RNF157: variants seen among roughly 807,000 people sequenced by gnomAD.
RNF157 encodes the protein E3 ubiquitin ligase RNF157.
A neutral mutation model predicts 88.3 loss-of-function variants in RNF157; 55 were observed. The observed-to-expected ratio is 0.62, with a 90% CI of 0.50 to 0.78. The LOEUF (loss-of-function observed/expected upper bound fraction) is 0.78, where lower values mean the gene tolerates loss of function less well. RNF157 is among the 30% of genes least tolerant of loss of function. The probability of loss-of-function intolerance (pLI) is 0.00; values close to 1 mark genes in which losing one functional copy is unlikely to be tolerated. For missense variants in RNF157, 788 were observed against 860.8 expected, an observed-to-expected ratio of 0.92 and a Z score of 1.06; for synonymous variants, 334 against 341.2, an observed-to-expected ratio of 0.98 and a Z score of 0.23.
chr17:76,212,832 G>A (rs887708925), intron 1 of RNF157, among the ~76,000 whole-genome samples: 2 of 152,220 alleles, frequency 1.3e-5, no homozygotes, highest in African/African-American at 4.8e-5. Context: ...CTACACTCCA[G>A]TCTGGGCGAC....
At position 76,161,470 on chromosome 17, in the gene RNF157, GA is replaced by G; in HGVS notation, c.1065+64del. On this transcript the variant is annotated intron_variant, in intron 11 of 18. Coordinates refer to ENST00000269391, the MANE Select transcript of RNF157 (RefSeq NM_052916.3). This position sits in a 1 kb window ranked among gnomAD's most constrained non-coding sequence, Gnocchi z 4.6. ...GCTGCAATGCCACGTAGAGAAGCAT[GA>G]AAAGTTTAAAAAAGCCAATGAGGCA... The G allele has an allele frequency of 8.2e-7, 1 of 1,224,892 alleles. No individual in the cohort carries two copies. The allele number at this position is 1,224,892 out of a possible 1,614,324, so 75.9% of individuals were successfully genotyped here.
At chr17:76,226,391 T>A in intron 1 of RNF157, 1 of 1,590,000 alleles carries the variant, frequency 6.3e-7, no homozygotes, top group Non-Finnish European at 8.6e-7. Flanking sequence ...GCCAATTGGG[T>A]TCACCATCTG....
At chr17:76,220,607 G>C (rs2069965067) in intron 1 of RNF157, among the ~76,000 whole-genome samples, 1 of 151,962 alleles carries the variant, frequency 6.6e-6, no homozygotes, top group South Asian at 2.1e-4. Context: ...CCAGAAGTTT[G>C]AGACCAGCCG....
chr17:76,210,381 C>CAAG (rs1555660721), intron 2 of RNF157, among the ~76,000 whole-genome samples: 1 of 151,390 alleles, frequency 6.6e-6, no homozygotes, highest in Non-Finnish European at 1.5e-5. Flanking sequence ...ATCACGAGGT[C>CAAG]AGATCGAGAC....
rs537416090 is a variant in RNF157, at chr17:76,240,134, G to T, written c.88+19C>A. 175 of 1,300,470 alleles carry T rather than the reference G, an allele frequency of 1.3e-4. No homozygotes were observed. The South Asian group carries it at 4.1e-3, about 30-fold the overall frequency. The allele number at this position is 1,300,470 out of a possible 1,614,324, so 80.6% of individuals were successfully genotyped here. On this transcript the variant is annotated intron_variant, in intron 1 of 18. Coordinates refer to ENST00000269391, the MANE Select transcript of RNF157 (RefSeq NM_052916.3). This position sits in a 1 kb window ranked among gnomAD's most constrained non-coding sequence, Gnocchi z 4.4. The stretch of plus-strand genomic sequence containing the variant: ...TGCCCCTCTCCCTCCTCGCGGCTGC[G>T]GCGCCCGCCCGCCCTCACCGGACTT...
intron 1 of RNF157, among the ~76,000 whole-genome samples, chr17:76,219,415 C>T (rs1344949916): frequency 6.6e-6 from 1 of 151,550 alleles, no homozygotes; most frequent in East Asian, 1.9e-4. Context: ...TATTATGCTA[C>T]CATGTGTGTA....
intron 6 of RNF157, 60 bp from the exon 7 acceptor site, chr17:76,165,605 A>T (rs1310348567): frequency 1.3e-6 from 2 of 1,578,896 alleles, no homozygotes; most frequent in African/African-American, 2.7e-5. Context: ...GATGCCCATG[A>T]CTTTCTCCAG....
intron 3 of RNF157, among the ~76,000 whole-genome samples, chr17:76,169,362 T>G (rs1016796433): frequency 1.6e-4 from 24 of 152,192 alleles, no homozygotes; most frequent in African/African-American, 5.3e-4. Flanking sequence ...AGATAACTTC[T>G]CTCATGTCTT....
intron 2 of RNF157, among the ~76,000 whole-genome samples, chr17:76,193,952 G>T (rs8077453): frequency 0.1 from 15,153 of 152,120 alleles, 938 homozygotes; most frequent in African/African-American, 0.17. Context: ...CACTTCTCTG[G>T]GGTACACGTC....
At position 76,195,640 on chromosome 17, in the gene RNF157, G is replaced by A. The variant is rs2069465812; in HGVS notation, c.207+16724C>T. On this transcript the variant is annotated intron_variant, in intron 2 of 18. Coordinates refer to ENST00000269391, the MANE Select transcript of RNF157 (RefSeq NM_052916.3). This position sits in a 1 kb window ranked among gnomAD's most constrained non-coding sequence, Gnocchi z 4.4. ...AAAAGCTCAATGCCTGCAAACAATA[G>A]AGTGGATAAATTATGGTGTATTCAC... is the stretch of plus-strand genomic sequence containing the variant. 6.6e-6 allele frequency among the ~76,000 whole-genome samples: 1 copy of A among 152,192 alleles called. No individual in the cohort carries two copies. Among genetic ancestry groups the A allele is most frequent in the Non-Finnish European group, 1.5e-5 (1 of 68,036 alleles).
At chr17:76,190,664 A>G (rs1316120082) in intron 2 of RNF157, among the ~76,000 whole-genome samples, 1 of 151,564 alleles carries the variant, frequency 6.6e-6, no homozygotes, top group African/African-American at 2.4e-5. Flanking sequence ...TCACGCCTGT[A>G]ATCCCAGCAC....
chr17:76,194,867 T>C (rs867870795), intron 2 of RNF157, among the ~76,000 whole-genome samples: 1 of 151,838 alleles, frequency 6.6e-6, no homozygotes, highest in Non-Finnish European at 1.5e-5. Flanking sequence ...TACAAAAAAT[T>C]AGCCAGGCGT....
intron 3 of RNF157, among the ~76,000 whole-genome samples, chr17:76,173,097 T>C (rs1442437925): frequency 2.6e-5 from 4 of 152,034 alleles, no homozygotes; most frequent in Admixed American, 1.3e-4. Context: ...CCATCCTGGC[T>C]AACATGGTGA....
rs539440769 is a variant in RNF157, at chr17:76,205,062, G to C, written c.207+7302C>G. 1.8e-4 allele frequency among the ~76,000 whole-genome samples: 27 copies of C among 151,654 alleles called. No individual in the cohort carries two copies. In the East Asian group the frequency reaches 4.5e-3, roughly 25 times the overall value. On this transcript the variant is annotated intron_variant, in intron 2 of 18. Coordinates refer to ENST00000269391, the MANE Select transcript of RNF157 (RefSeq NM_052916.3). The stretch of plus-strand genomic sequence containing the variant: ...TCGGTGTCCCAAAGTGCTGGGATTA[G>C]AGGCGTGAGCCACCATGCCCAGTCT...
At chr17:76,207,426 G>A (rs1309871291) in intron 2 of RNF157, among the ~76,000 whole-genome samples, 1 of 151,660 alleles carries the variant, frequency 6.6e-6, no homozygotes, top group Non-Finnish European at 1.5e-5. Context: ...CTATCTCTAG[G>A]GGAAAAAAAA....
intron 18 of RNF157, chr17:76,147,119 T>C (rs948953972): frequency 4.5e-5 from 44 of 985,144 alleles, no homozygotes; most frequent in Admixed American, 1.2e-4. Context: ...GGGACATGAG[T>C]CAAGGTGTTT....
Position 76,146,414 on chromosome 17 carries a change from C to G in RNF157, c.1922-1061G>C, listed in dbSNP as rs1304710491. 1.0e-6 allele frequency: 1 copy of G among 985,524 alleles called. No homozygotes were observed. 61.0% of individuals were successfully genotyped at this position (985,524 alleles called of 1,614,324 possible). On this transcript the variant is annotated intron_variant, in intron 18 of 18. Transcript: ENST00000269391. The surrounding 1 kb of genome is among the most constrained non-coding windows in gnomAD (Gnocchi z 4.2). ...TCGCCTCTCCCCTGGGAGTCCTCTT[C>G]ATCTCCTGCCCACAGATGAGCTCCT...
intron 2 of RNF157, among the ~76,000 whole-genome samples, chr17:76,200,984 C>T (rs1026406708): frequency 6.6e-6 from 1 of 152,076 alleles, no homozygotes. Context: ...CCAACCCCAG[C>T]GAGCAGACCC....
At chr17:76,163,610 C>T (rs1405193435) in intron 8 of RNF157, 1 of 152,294 alleles carries the variant, frequency 6.6e-6, no homozygotes, top group African/African-American at 2.4e-5. Flanking sequence ...CACTCTTCTG[C>T]CTCACCTCTG....
Sources: gnomAD v4.1 joint callset for allele counts (sites outside exome capture counted in the v4.1 genomes callset) on GRCh38, gnomAD v4.1.1 for gene constraint, Gnocchi (gnomAD v3.1) non-coding constraint, MANE v1.5 for transcripts, NCBI Gene and HGNC (gene_info 2026-07-23, HGNC 2026-07-21) for gene names.